The following ZC3HAV1L variants were observed in gnomAD, a reference collection of about 807,000 sequenced individuals.
ZC3HAV1L encodes ZC3HAV1 like.
Under a neutral mutation model 28.2 loss-of-function variants are expected in ZC3HAV1L, and 23 were observed. The observed-to-expected ratio is 0.82, with a 90% CI of 0.59 to 1.16. The LOEUF (loss-of-function observed/expected upper bound fraction) is 1.16, where lower values mean the gene tolerates loss of function less well. ZC3HAV1L is among the 50% of genes most tolerant of loss of function. The probability of loss-of-function intolerance (pLI) is 0.00; values close to 1 mark genes in which losing one functional copy is unlikely to be tolerated. For synonymous variants in ZC3HAV1L, 180 were observed against 163.4 expected (o/e 1.10, Z -0.78); for missense variants, 376 against 387.7 (o/e 0.97, Z 0.25).
At chr7:139,035,010 A>G (rs1815657949) in intron 1 of ZC3HAV1L, 1 of 985,354 alleles carries the variant, frequency 1.0e-6, no homozygotes, top group Non-Finnish European at 1.2e-6. Flanking sequence ...TTAAAAAGAA[A>G]GCGCCCCTAT....
At chr7:139,026,943 T>G in intron 3 of ZC3HAV1L, 110 bp from the exon 4 acceptor site, 1 of 1,249,496 alleles carries the variant, frequency 8.0e-7, no homozygotes, top group Non-Finnish European at 1.1e-6. Flanking sequence ...ACACATGGAT[T>G]TGGAGAGTTC....
In ZC3HAV1L at chr7:139,035,858, C is replaced by G. The variant is rs1225001349; in HGVS notation, c.160G>C (p.Val54Leu). Residue 54 changes from valine (V) to leucine (L), a missense_variant, in exon 1 of 5, where the codon GTG becomes CTG. By Grantham distance (32) the Val-to-Leu change is conservative. Transcript: ENST00000275766. ...TCCCCGAGGCCCTCCTGCGTCTCCA[C>G]CTCCTGCAGCAGGAAACGCTCGGGC... ...AGPERFLLQE[V>L]ETQEGLGDAE... The G allele has an allele frequency of 2.7e-6, 4 of 1,507,872 alleles. No individual in the cohort carries two copies. The highest frequency in any genetic ancestry group is 3.5e-6 in the Non-Finnish European group (4 of 1,136,064). 93.4% of individuals were successfully genotyped at this position (1,507,872 alleles called of 1,614,324 possible).
At chr7:139,035,473 G>A (rs1815677832) in intron 1 of ZC3HAV1L, 180 bp downstream of exon 1, 1 of 985,378 alleles carries the variant, frequency 1.0e-6, no homozygotes, top group Non-Finnish European at 1.2e-6. Context: ...GCGCCTTTCC[G>A]CCCAGCTGCT....
chr7:139,034,716 A>C, intron 1 of ZC3HAV1L, 38 bp from the exon 2 acceptor site: 1 of 1,611,970 alleles, frequency 6.2e-7, no homozygotes, highest in South Asian at 1.1e-5. Context: ...GCCCAGGTGA[A>C]GAAGGACCAG....
chr7:139,032,430 C>T (rs1487019002), intron 2 of ZC3HAV1L, among the ~76,000 whole-genome samples: 1 of 151,496 alleles, frequency 6.6e-6, no homozygotes, highest in African/African-American at 2.4e-5. Context: ...GTCAGGAGAT[C>T]GAGACCATCC....
intron 2 of ZC3HAV1L, among the ~76,000 whole-genome samples, chr7:139,033,216 A>AT (rs11407391): frequency 0.48 from 73,124 of 150,948 alleles, 18,196 homozygotes; most frequent in Non-Finnish European, 0.52. Context: ...AAAAAACTAT[A>AT]TAAGTCTGAT....
In ZC3HAV1L at chr7:139,026,463, G is replaced by T; in HGVS notation, c.*81C>A. On this transcript the variant is annotated 3_prime_UTR_variant, in exon 5 of 5. Transcript: ENST00000275766. ...ACTCAATTTTAGCCTCTCTTTGCCTGTTCAATGTCCCACCCCATCCCCAAC... is the reference window on the plus strand; with the variant it reads ...ACTCAATTTTAGCCTCTCTTTGCCTTTTCAATGTCCCACCCCATCCCCAAC... 1 of 1,585,600 alleles carries T rather than the reference G, an allele frequency of 6.3e-7. No homozygotes were observed.
Position 139,036,014 on chromosome 7 carries a change from C to A in ZC3HAV1L, c.4G>T (p.Ala2Ser). M[A>S]EPTVCSFLTK... The stretch of plus-strand genomic sequence containing the variant: ...AGGAAGGAGCACACTGTGGGCTCCG[C>A]CATGGTCGCTGGCGCGGGCCCTGTG... Residue 2 changes from alanine (A) to serine (S), a missense_variant, in exon 1 of 5, where the codon GCG becomes TCG. By Grantham distance (99) the Ala-to-Ser change is moderately conservative. Coordinates refer to ENST00000275766, the MANE Select transcript of ZC3HAV1L (RefSeq NM_080660.4). The A allele has an allele frequency of 6.6e-7, 1 of 1,506,058 alleles. No individual in the cohort carries two copies. Among genetic ancestry groups the A allele is most frequent in the Non-Finnish European group, 8.8e-7 (1 of 1,135,606 alleles). The allele number at this position is 1,506,058 out of a possible 1,614,324, so 93.3% of individuals were successfully genotyped here. A position where few individuals can be genotyped will look rare whatever the true frequency, so the allele number is the denominator to read the frequency against.
chr7:139,026,922 C>T (rs1815370826), intron 3 of ZC3HAV1L, 89 bp from the exon 4 acceptor site: 5 of 1,413,366 alleles, frequency 3.5e-6, no homozygotes, highest in Non-Finnish European at 4.8e-6. Flanking sequence ...AGCCATCAGA[C>T]AAGACTCCCA....
At chr7:139,024,200 G>A (rs10257884), downstream of ZC3HAV1L, among the ~76,000 whole-genome samples, 83,420 of 151,952 alleles carry the variant, frequency 0.55, 23,426 homozygotes, top group African/African-American at 0.62. Flanking sequence ...AATCATGAGT[G>A]AAAATCAGAG....
intron 2 of ZC3HAV1L, among the ~76,000 whole-genome samples, chr7:139,030,381 G>A (rs1253297044): frequency 6.6e-6 from 1 of 152,110 alleles, no homozygotes; most frequent in Non-Finnish European, 1.5e-5. Flanking sequence ...GGAGGTGGAG[G>A]TTGCAGTGAG....
Position 139,026,537 on chromosome 7 carries a change from ATCT to A in ZC3HAV1L, c.*4_*6del. The A allele has an allele frequency of 6.2e-7, 1 of 1,614,068 alleles. No homozygotes were observed. Among genetic ancestry groups the A allele is most frequent in the South Asian group, 1.1e-5 (1 of 91,070 alleles). On this transcript the variant is annotated 3_prime_UTR_variant, in exon 5 of 5. Coordinates refer to ENST00000275766, the MANE Select transcript of ZC3HAV1L (RefSeq NM_080660.4). ...CCAAAAGGACATTTTCTCCTTTTCCATCTTCTTTACTTCTCGCAAGACACTGTG... is the reference window on the plus strand; with the variant it reads ...CCAAAAGGACATTTTCTCCTTTTCCATCTTTACTTCTCGCAAGACACTGTG...
intron 3 of ZC3HAV1L, 78 bp downstream of exon 3, chr7:139,028,624 A>G: frequency 6.5e-7 from 1 of 1,529,778 alleles, no homozygotes. Context: ...CTTTCATGTC[A>G]CTGTTCTTAC....
rs368290294 is a variant in ZC3HAV1L at position 139,026,851 on chromosome 7, A to T, written c.761-18T>A. On this transcript the variant is annotated intron_variant, in intron 3 of 4. Transcript: ENST00000275766. ...TGAATTATCTACAAAGAGGAAAGGG[A>T]TAAGTTTTCCTACGATACCCCAAGT... The T allele has an allele frequency of 1.9e-6, 3 of 1,598,520 alleles. No individual in the cohort carries two copies. The South Asian group carries it at 3.4e-5, about 18-fold the overall frequency.
chr7:139,035,826 C>G lies in ZC3HAV1L; in HGVS notation c.192G>C (p.Glu64Asp), dbSNP rs1423867593. The stretch of plus-strand genomic sequence containing the variant: ...CCACCGCGCCGGCCGCCGCCTCGGC[C>G]TCCGCGTCCCCGAGGCCCTCCTGCG... ...VETQEGLGDA[E>D]AEAAAGAVGG... The change falls in exon 1 of 5, where the codon GAG (glutamate) becomes GAC (aspartate). Residue 64 changes from glutamate (E) to aspartate (D), a missense_variant. Glu to Asp is a conservative substitution (Grantham distance 45, BLOSUM62 2). Transcript: ENST00000275766. 2.0e-6 allele frequency: 3 copies of G among 1,485,260 alleles called. No individual in the cohort carries two copies. 92.0% of individuals were successfully genotyped at this position (1,485,260 alleles called of 1,614,324 possible).
chr7:139,028,521 A>T (rs985789586), intron 3 of ZC3HAV1L, among the ~76,000 whole-genome samples, 181 bp downstream of exon 3: 4 of 152,152 alleles, frequency 2.6e-5, no homozygotes, highest in African/African-American at 9.7e-5. Context: ...TTTGGTTAGG[A>T]TCACCGTTCT....
intron 1 of ZC3HAV1L, chr7:139,035,044 G>A: frequency 1.0e-6 from 1 of 985,428 alleles, no homozygotes; most frequent in Non-Finnish European, 1.2e-6. Flanking sequence ...TTGGCGGGGT[G>A]TGTGGCTAGA....
At chr7:139,022,701 TAGTG>T (rs1815269149), downstream of ZC3HAV1L, among the ~76,000 whole-genome samples, 2 of 152,218 alleles carry the variant, frequency 1.3e-5, no homozygotes, top group African/African-American at 4.8e-5. Context: ...TGCTCAGAGC[TAGTG>T]AGTAAAAAAA....
intron 4 of ZC3HAV1L, 34 bp downstream of exon 4, chr7:139,026,671 GCTT>G (rs746396144): frequency 4.3e-6 from 7 of 1,612,882 alleles, no homozygotes; most frequent in Middle Eastern, 1.7e-4. Flanking sequence ...AGCTGGACAA[GCTT>G]CTTCTTAGTT....
Sources: allele counts gnomAD v4.1 joint callset (sites outside exome capture counted in the v4.1 genomes callset), GRCh38; gene constraint gnomAD v4.1.1; transcripts MANE v1.5; gene names NCBI Gene and HGNC (gene_info 2026-07-23, HGNC 2026-07-21).